The following IL18 variants were observed in gnomAD, a reference collection of about 807,000 sequenced individuals.
The protein encoded by IL18 is interleukin-18.
Under a neutral mutation model 14.2 loss-of-function variants are expected in IL18, and 8 were observed. The ratio of observed to expected loss-of-function variants is 0.56; its 90% CI spans 0.33 to 1.01. The LOEUF (loss-of-function observed/expected upper bound fraction) is 1.01. Among genes scored for constraint, IL18 ranks in the 50% least tolerant of loss-of-function variants. The pLI is 0.03. For synonymous variants in IL18, 67 were observed against 71.0 expected (o/e 0.94, Z 0.28); for missense variants, 166 against 231.1 (o/e 0.72, Z 1.83).
At chr11:112,151,326 T>C (rs1285993745) in intron 3 of IL18, among the ~76,000 whole-genome samples, 1 of 152,086 alleles carries the variant, frequency 6.6e-6, no homozygotes, top group Non-Finnish European at 1.5e-5. Context: ...TCCCTTTTAA[T>C]AAAAATATAA....
At chr11:112,158,066 C>T (rs5744237) in intron 1 of IL18, among the ~76,000 whole-genome samples, 4,205 of 152,200 alleles carry the variant, frequency 0.028, 95 homozygotes, top group Non-Finnish European at 0.045. Flanking sequence ...TGGCTGGTCT[C>T]GAACTCCTGA....
intron 3 of IL18, chr11:112,150,887 T>G (rs1236242045): frequency 6.6e-6 from 1 of 152,292 alleles, no homozygotes; most frequent in Non-Finnish European, 1.5e-5. Context: ...CACGTACAAA[T>G]TTAACTCTGG....
At chr11:112,143,933 T>C (rs1866290845) in intron 5 of IL18, 116 bp from the exon 6 acceptor site, 3 of 670,420 alleles carry the variant, frequency 4.5e-6, no homozygotes, top group African/African-American at 1.8e-5. Context: ...TCTCAAGAGT[T>C]ACATAAAAAA....
intron 1 of IL18, among the ~76,000 whole-genome samples, chr11:112,160,705 A>G (rs1866617554): frequency 6.6e-6 from 1 of 152,138 alleles, no homozygotes; most frequent in South Asian, 2.1e-4. Context: ...TATTTTTTCT[A>G]TCTTAAACTT....
At chr11:112,155,434 G>A (rs1003552890) in intron 1 of IL18, among the ~76,000 whole-genome samples, 7 of 152,086 alleles carry the variant, frequency 4.6e-5, no homozygotes, top group African/African-American at 1.4e-4. Flanking sequence ...GGAAGGACTG[G>A]CTTCATCCTT....
intron 5 of IL18, among the ~76,000 whole-genome samples, chr11:112,147,454 C>T (rs1375440770): frequency 2.0e-5 from 3 of 152,170 alleles, no homozygotes; most frequent in Non-Finnish European, 4.4e-5. Context: ...TGAGCTTGGC[C>T]ATCTCCTTCC....
chr11:112,155,092 G>A lies in IL18; in HGVS notation c.-8-31C>T, dbSNP rs756644856. The A allele has an allele frequency of 1.2e-5, 16 of 1,379,754 alleles. No homozygotes were observed. The South Asian group carries it at 1.7e-4, about 15-fold the overall frequency. The allele number at this position is 1,379,754 out of a possible 1,614,324, so 85.5% of individuals were successfully genotyped here. A position where few individuals can be genotyped will look rare whatever the true frequency, so the allele number is the denominator to read the frequency against. On this transcript the variant is annotated intron_variant, in intron 1 of 5. Transcript: ENST00000280357. ...GAAAGCAAAGAGCCATCTGTTAAGAGACAATGATTGTACCTTTTACTACTA... is the reference window on the plus strand; with the variant it reads ...GAAAGCAAAGAGCCATCTGTTAAGAAACAATGATTGTACCTTTTACTACTA...
At position 112,161,573 on chromosome 11, in the gene IL18, T is replaced by G. The variant is rs577584596; in HGVS notation, c.-9+2333A>C. The stretch of plus-strand genomic sequence containing the variant: ...CAGCACTTTGGGAGGCCGAGGCGGC[T>G]GGATCACTTGAGGTCAGGAGTTCGA... On this transcript the variant is annotated intron_variant, in intron 1 of 5. Transcript: ENST00000280357. 5.1e-4 allele frequency among the ~76,000 whole-genome samples: 77 copies of G among 152,322 alleles called. No homozygotes were observed. The South Asian group carries it at 8.7e-3, about 17-fold the overall frequency.
chr11:112,161,431 A>G (rs755244223), intron 1 of IL18, among the ~76,000 whole-genome samples: 1 of 152,238 alleles, frequency 6.6e-6, no homozygotes, highest in Non-Finnish European at 1.5e-5. Flanking sequence ...CCACTTCTTC[A>G]TAATTCTAAG....
At chr11:112,157,439 A>C (rs922972292) in intron 1 of IL18, among the ~76,000 whole-genome samples, 13 of 152,264 alleles carry the variant, frequency 8.5e-5, no homozygotes, top group African/African-American at 3.1e-4. Context: ...TTAACTATGC[A>C]TCAGGAATGT....
At chr11:112,145,248 G>A (rs1264302355) in intron 5 of IL18, among the ~76,000 whole-genome samples, 2 of 152,326 alleles carry the variant, frequency 1.3e-5, no homozygotes, top group East Asian at 1.9e-4. Context: ...TGGGTCCTAA[G>A]TTGATGAAAG....
chr11:112,144,802 G>A (rs993478576), intron 5 of IL18, among the ~76,000 whole-genome samples: 2 of 152,220 alleles, frequency 1.3e-5, no homozygotes, highest in African/African-American at 2.4e-5. Flanking sequence ...CCTTGGCTGG[G>A]CCCTGCCTTA....
chr11:112,155,379 A>G (rs1326222286), intron 1 of IL18, among the ~76,000 whole-genome samples: 1 of 152,244 alleles, frequency 6.6e-6, no homozygotes, highest in Non-Finnish European at 1.5e-5. Context: ...ATATAAATAT[A>G]GTTTCACCTG....
At chr11:112,153,025 A>C (rs1866472949) in intron 3 of IL18, 2 of 152,236 alleles carry the variant, frequency 1.3e-5, no homozygotes, top group South Asian at 4.1e-4. Context: ...TTCTCTCACC[A>C]GTCTCCTACT....
At chr11:112,145,725 C>G (rs188996204) in intron 5 of IL18, among the ~76,000 whole-genome samples, 6 of 149,626 alleles carry the variant, frequency 4.0e-5, no homozygotes, top group African/African-American at 1.5e-4. Flanking sequence ...GGCGACAGAG[C>G]GAGACTCCGT....
intron 1 of IL18, among the ~76,000 whole-genome samples, chr11:112,157,435 A>G (rs1330796727): frequency 6.6e-6 from 1 of 152,252 alleles, no homozygotes; most frequent in Non-Finnish European, 1.5e-5. Context: ...AGCATTAACT[A>G]TGCATCAGGA....
At chr11:112,158,056 T>C (rs36047980) in intron 1 of IL18, among the ~76,000 whole-genome samples, 52 of 152,224 alleles carry the variant, frequency 3.4e-4, no homozygotes, top group Non-Finnish European at 6.0e-4. Context: ...GGTTTCTCCA[T>C]GGCTGGTCTC....
intron 3 of IL18, among the ~76,000 whole-genome samples, chr11:112,152,675 G>A (rs890774901): frequency 2.6e-5 from 4 of 152,112 alleles, no homozygotes; most frequent in Non-Finnish European, 5.9e-5. Context: ...TGATAACTGG[G>A]ATATGAACCC....
At chr11:112,149,558 G>GTTTTT (rs561459069) in intron 4 of IL18, among the ~76,000 whole-genome samples, 99 of 99,134 alleles carry the variant, frequency 1.0e-3, no homozygotes, top group South Asian at 1.5e-3. Flanking sequence ...CTTTTCTTAA[G>GTTTTT]TTTTTTTTTT....
Sources: gnomAD v4.1 joint callset for allele counts (sites outside exome capture counted in the v4.1 genomes callset) on GRCh38, gnomAD v4.1.1 for gene constraint, MANE v1.5 for transcripts, NCBI Gene and HGNC (gene_info 2026-07-23, HGNC 2026-07-21) for gene names.